SEMA6D: variants seen among roughly 807,000 people sequenced by gnomAD.
SEMA6D encodes the protein semaphorin 6D.
Under a neutral mutation model 106.6 loss-of-function variants are expected in SEMA6D, and 35 were observed. The observed-to-expected ratio is 0.33, with a 90% CI of 0.25 to 0.44. The LOEUF is 0.44. Ranked by LOEUF, SEMA6D falls within the 20% of genes least tolerant of loss-of-function variation. SEMA6D has a pLI of 1.00. For synonymous variants in SEMA6D, 499 were observed against 487.7 expected (o/e 1.02, Z -0.31); for missense variants, 1,185 against 1,345.9 (o/e 0.88, Z 1.87).
chr15:47,724,409 C>T (rs568291890), intron 1 of SEMA6D, among the ~76,000 whole-genome samples: 3 of 152,288 alleles, frequency 2.0e-5, no homozygotes, highest in East Asian at 3.9e-4. Context: ...ATAGCTGAAA[C>T]GCTGTGTGTT....
At chr15:47,207,707 A>G (rs1318010197) in intron 1 of SEMA6D, among the ~76,000 whole-genome samples, 1 of 151,948 alleles carries the variant, frequency 6.6e-6, no homozygotes, top group East Asian at 1.9e-4. Flanking sequence ...CCTAGGCCAT[A>G]TTTTTCATGA....
chr15:47,214,865 A>C (rs533938431), intron 1 of SEMA6D, among the ~76,000 whole-genome samples: 1 of 152,266 alleles, frequency 6.6e-6, no homozygotes, highest in Non-Finnish European at 1.5e-5. Flanking sequence ...ATGGGCACAA[A>C]GACCACATCA....
chr15:47,204,555 A>G (rs1193765290), intron 1 of SEMA6D, among the ~76,000 whole-genome samples: 2 of 152,136 alleles, frequency 1.3e-5, no homozygotes, highest in African/African-American at 4.8e-5. Context: ...CTACTTATTT[A>G]TAGGTTTTGG....
intron 6 of SEMA6D, 83 bp downstream of exon 6, chr15:47,761,514 C>A: frequency 7.6e-7 from 1 of 1,315,640 alleles, no homozygotes; most frequent in Non-Finnish European, 1.1e-6. Context: ...AATCTTTCTG[C>A]TTTCCAGTAA....
intron 1 of SEMA6D, among the ~76,000 whole-genome samples, chr15:47,401,907 C>T (rs2040413637): frequency 6.6e-6 from 1 of 152,198 alleles, no homozygotes. Flanking sequence ...GTCTTCCCCA[C>T]TAGACTGTGA....
chr15:47,723,925 AG>A (rs2079570430), intron 1 of SEMA6D, among the ~76,000 whole-genome samples: 1 of 152,216 alleles, frequency 6.6e-6, no homozygotes, highest in African/African-American at 2.4e-5. Context: ...TAACGTCAGG[AG>A]TTTCTACTCA....
intron 2 of SEMA6D, among the ~76,000 whole-genome samples, chr15:47,423,537 CAT>C (rs1164010649): frequency 6.6e-6 from 1 of 152,024 alleles, no homozygotes; most frequent in Non-Finnish European, 1.5e-5. Flanking sequence ...ATCAAAGAAA[CAT>C]AGACTACAAT....
chr15:47,330,733 G>A (rs1204339220), intron 1 of SEMA6D, among the ~76,000 whole-genome samples: 1 of 152,168 alleles, frequency 6.6e-6, no homozygotes, highest in Non-Finnish European at 1.5e-5. Flanking sequence ...GAATGTTGTG[G>A]GATCTCAGAG....
intron 4 of SEMA6D, among the ~76,000 whole-genome samples, chr15:47,612,393 T>G (rs2076925103): frequency 6.6e-6 from 1 of 152,184 alleles, no homozygotes; most frequent in Non-Finnish European, 1.5e-5. Flanking sequence ...AAATTCAATG[T>G]ATTTCTTCCT....
In SEMA6D at chr15:47,268,971, A is replaced by G. The variant is rs552274275; in HGVS notation, c.-239+84553A>G. Among the ~76,000 whole-genome samples the G allele has an allele frequency of 3.9e-5, 6 of 152,274 alleles. No homozygotes were observed. In the East Asian group the frequency reaches 1.2e-3, roughly 29 times the overall value. On this transcript the variant is annotated intron_variant, in intron 1 of 19. Coordinates refer to the SEMA6D transcript ENST00000558014. The stretch of plus-strand genomic sequence containing the variant: ...CTATTAATCTAGATGTTACATGGCT[A>G]TTCACACAAACTAAATTTGTGTTAG...
intron 1 of SEMA6D, among the ~76,000 whole-genome samples, chr15:47,735,426 T>C (rs532355209): frequency 1.6e-4 from 25 of 152,340 alleles, no homozygotes; most frequent in African/African-American, 6.0e-4. Flanking sequence ...TTCAGTCAGC[T>C]TGCACCTCTG....
At chr15:47,194,591 A>G (rs1894203799) in intron 1 of SEMA6D, among the ~76,000 whole-genome samples, 1 of 152,214 alleles carries the variant, frequency 6.6e-6, no homozygotes, top group African/African-American at 2.4e-5. Flanking sequence ...TCTTAGCTTT[A>G]GAGAATGTTC....
At chr15:47,647,624 A>T (rs2077605155) in intron 4 of SEMA6D, among the ~76,000 whole-genome samples, 1 of 152,170 alleles carries the variant, frequency 6.6e-6, no homozygotes, top group Admixed American at 6.5e-5. Context: ...ATTGCAGATG[A>T]AACTAAATTC....
intron 4 of SEMA6D, among the ~76,000 whole-genome samples, chr15:47,664,013 G>C (rs2077978517): frequency 6.6e-6 from 1 of 152,132 alleles, no homozygotes; most frequent in African/African-American, 2.4e-5. Flanking sequence ...TGATGAAGTA[G>C]ATATTCTTCT....
intron 1 of SEMA6D, among the ~76,000 whole-genome samples, chr15:47,291,449 G>T (rs904305104): frequency 6.6e-6 from 1 of 152,182 alleles, no homozygotes; most frequent in Non-Finnish European, 1.5e-5. Flanking sequence ...CCTGCAGATG[G>T]CATCTAGGAT....
chr15:47,646,351 G>A (rs1369185707), intron 4 of SEMA6D, among the ~76,000 whole-genome samples: 1 of 152,190 alleles, frequency 6.6e-6, no homozygotes, highest in African/African-American at 2.4e-5. Flanking sequence ...GTGTGTGCCA[G>A]GCAGCCTGAA....
chr15:47,216,324 C>CA (rs777083323), intron 1 of SEMA6D, among the ~76,000 whole-genome samples: 21 of 152,178 alleles, frequency 1.4e-4, no homozygotes, highest in African/African-American at 1.2e-4. Flanking sequence ...TATGTTAACT[C>CA]AAATTAAAGA....
intron 1 of SEMA6D, among the ~76,000 whole-genome samples, chr15:47,408,548 G>A (rs1057224807): frequency 1.3e-5 from 2 of 152,108 alleles, no homozygotes; most frequent in African/African-American, 4.8e-5. Context: ...TCCACTTCCA[G>A]TGCTATAACC....
intron 1 of SEMA6D, among the ~76,000 whole-genome samples, chr15:47,743,080 C>A (rs1231017582): frequency 6.6e-6 from 1 of 152,104 alleles, no homozygotes; most frequent in Non-Finnish European, 1.5e-5. Flanking sequence ...GCCCTAGGTC[C>A]AAGGCATTGG....
Sources: gnomAD v4.1 joint callset for allele counts (sites outside exome capture counted in the v4.1 genomes callset) on GRCh38, gnomAD v4.1.1 for gene constraint, MANE v1.5 for transcripts, NCBI Gene and HGNC (gene_info 2026-07-23, HGNC 2026-07-21) for gene names.